HPSE2: variants seen among roughly 807,000 people sequenced by gnomAD.
The protein encoded by HPSE2 is heparanase 2 (inactive).
A neutral mutation model predicts 60.5 loss-of-function variants in HPSE2; 38 were observed. That is an observed-to-expected ratio of 0.63 (90% CI 0.48 to 0.82). HPSE2 has a LOEUF of 0.82. HPSE2 is among the 40% of genes least tolerant of loss of function. HPSE2 has a pLI of 0.00. For synonymous variants in HPSE2, 295 were observed against 293.2 expected (o/e 1.01, Z -0.06); for missense variants, 713 against 740.4 (o/e 0.96, Z 0.43).
intron 2 of HPSE2, among the ~76,000 whole-genome samples, chr10:99,178,308 C>CA (rs1169073925): frequency 1.3e-5 from 2 of 151,198 alleles, no homozygotes; most frequent in African/African-American, 4.9e-5. Context: ...AAAAATGCTT[C>CA]AAAAAAATCA....
At chr10:99,117,751 GAACA>G (rs1844769233) in intron 3 of HPSE2, among the ~76,000 whole-genome samples, 1 of 151,928 alleles carries the variant, frequency 6.6e-6, no homozygotes, top group African/African-American at 2.4e-5. Flanking sequence ...AAAAGCCCAG[GAACA>G]AACAGATTCA....
chr10:99,050,389 A>T (rs1458204922), intron 3 of HPSE2, among the ~76,000 whole-genome samples: 1 of 152,166 alleles, frequency 6.6e-6, no homozygotes, highest in Non-Finnish European at 1.5e-5. Flanking sequence ...TACTGGTGGG[A>T]ATATAAATTG....
rs60186369 is a variant in HPSE2, at chr10:99,186,542, CAAAAAAAAAAAAA to C, written c.449-42156_449-42144del. ...TAGGTGACAGAGTGAGACTCCATCT[CAAAAAAAAAAAAA>C]AAAAAAAAAAAAAAAAAAGATTTAC... On this transcript the variant is annotated intron_variant, in intron 2 of 11. Coordinates refer to ENST00000370552, the MANE Select transcript of HPSE2 (RefSeq NM_021828.5). Among the ~76,000 whole-genome samples, 8 of 59,482 alleles carry C rather than the reference CAAAAAAAAAAAAA, an allele frequency of 1.3e-4. No individual in the cohort carries two copies. In the East Asian group the frequency reaches 1.9e-3, roughly 14 times the overall value. 39.0% of individuals were successfully genotyped at this position (59,482 alleles called of 152,430 possible). A position where few individuals can be genotyped will look rare whatever the true frequency, so the allele number is the denominator to read the frequency against.
intron 6 of HPSE2, among the ~76,000 whole-genome samples, chr10:98,684,658 A>G (rs542576116): frequency 4.6e-5 from 7 of 152,148 alleles, no homozygotes; most frequent in Non-Finnish European, 8.8e-5. Context: ...CTCATCTTCC[A>G]TAGGAGCATC....
At chr10:99,029,071 G>A (rs890275390) in intron 3 of HPSE2, among the ~76,000 whole-genome samples, 12 of 152,280 alleles carry the variant, frequency 7.9e-5, no homozygotes, top group African/African-American at 2.9e-4. Flanking sequence ...ATTGGTCTGG[G>A]CAAAGATTTC....
intron 10 of HPSE2, among the ~76,000 whole-genome samples, chr10:98,487,496 A>G (rs1941485077): frequency 6.6e-6 from 1 of 152,198 alleles, no homozygotes; most frequent in South Asian, 2.1e-4. Context: ...CATTCTTTGC[A>G]TTATTAATGC....
chr10:98,749,947 T>TATATAC, intron 3 of HPSE2, among the ~76,000 whole-genome samples: 1,288 of 98,466 alleles, frequency 0.013, 13 homozygotes, highest in Non-Finnish European at 0.019. Flanking sequence ...TATATATATA[T>TATATAC]ACACACACAC....
At chr10:99,092,715 G>A (rs141004759) in intron 3 of HPSE2, among the ~76,000 whole-genome samples, 18 of 152,160 alleles carry the variant, frequency 1.2e-4, no homozygotes, top group African/African-American at 4.1e-4. Flanking sequence ...GCCTTTCTGA[G>A]CCACCATTTT....
intron 3 of HPSE2, among the ~76,000 whole-genome samples, chr10:99,089,104 A>G (rs1843426507): frequency 6.6e-6 from 1 of 152,160 alleles, no homozygotes; most frequent in African/African-American, 2.4e-5. Flanking sequence ...TATAGATTGC[A>G]AAGATTTTCT....
chr10:98,465,391 C>T (rs1940483443), intron 11 of HPSE2, among the ~76,000 whole-genome samples: 1 of 152,162 alleles, frequency 6.6e-6, no homozygotes, highest in African/African-American at 2.4e-5. Flanking sequence ...TCACCTAAGC[C>T]ATACAGCCAA....
At chr10:98,599,158 G>C (rs1250787877) in intron 9 of HPSE2, among the ~76,000 whole-genome samples, 1 of 152,148 alleles carries the variant, frequency 6.6e-6, no homozygotes, top group East Asian at 1.9e-4. Context: ...GGACTGGCTT[G>C]GCACTGGGCA....
chr10:98,989,300 C>T (rs1026760607), intron 3 of HPSE2, among the ~76,000 whole-genome samples: 1 of 152,014 alleles, frequency 6.6e-6, no homozygotes, highest in African/African-American at 2.4e-5. Context: ...TATACACCAT[C>T]GAATACTAGG....
intron 3 of HPSE2, among the ~76,000 whole-genome samples, chr10:99,046,554 G>A (rs984810158): frequency 2.6e-5 from 4 of 152,028 alleles, no homozygotes; most frequent in South Asian, 2.1e-4. Flanking sequence ...CTTTGCTGCC[G>A]ATATGATTCT....
At chr10:99,120,962 T>C (rs1844929291) in intron 3 of HPSE2, among the ~76,000 whole-genome samples, 1 of 152,184 alleles carries the variant, frequency 6.6e-6, no homozygotes, top group South Asian at 2.1e-4. Flanking sequence ...ACTGGTTATA[T>C]ACCCAAAAGA....
At chr10:98,814,142 A>G (rs183262765) in intron 3 of HPSE2, among the ~76,000 whole-genome samples, 60 of 152,266 alleles carry the variant, frequency 3.9e-4, no homozygotes, top group Middle Eastern at 3.4e-3. Context: ...TGTTAATAAA[A>G]TCATTTTATG....
intron 3 of HPSE2, among the ~76,000 whole-genome samples, chr10:99,082,638 C>T (rs985620219): frequency 1.3e-5 from 2 of 152,124 alleles, no homozygotes; most frequent in African/African-American, 4.8e-5. Flanking sequence ...ACGTTGGCTC[C>T]AGGAGAGCTG....
chr10:98,697,092 TCTC>T (rs1353497456), intron 5 of HPSE2, among the ~76,000 whole-genome samples: 1 of 152,130 alleles, frequency 6.6e-6, no homozygotes, highest in Admixed American at 6.5e-5. Flanking sequence ...GAGTGCCTCT[TCTC>T]CTCTAAATGA....
intron 3 of HPSE2, among the ~76,000 whole-genome samples, chr10:98,926,869 C>A (rs369246100): frequency 6.6e-6 from 1 of 152,042 alleles, no homozygotes; most frequent in Non-Finnish European, 1.5e-5. Flanking sequence ...CGTTATGTAC[C>A]CAGTAGTCAC....
chr10:98,554,466 T>A (rs765999712), intron 9 of HPSE2, among the ~76,000 whole-genome samples: 10 of 152,332 alleles, frequency 6.6e-5, no homozygotes, highest in African/African-American at 2.4e-4. Flanking sequence ...CTGTACTTCA[T>A]TGTGTCTTGA....
Sources: allele counts gnomAD v4.1 joint callset (sites outside exome capture counted in the v4.1 genomes callset), GRCh38; gene constraint gnomAD v4.1.1; transcripts MANE v1.5; gene names NCBI Gene and HGNC (gene_info 2026-07-23, HGNC 2026-07-21).